HAS3: variants seen among roughly 807,000 people sequenced by gnomAD.
HAS3 encodes the protein HA synthase 3.
HAS3 carries 27 observed loss-of-function variants against 50.3 expected under a neutral mutation model. The observed-to-expected ratio is 0.54, with a 90% CI of 0.40 to 0.74. HAS3 has a LOEUF of 0.74. Among genes scored for constraint, HAS3 ranks in the 30% least tolerant of loss-of-function variants. The pLI, the probability that HAS3 is intolerant of heterozygous loss-of-function variation, is 0.00. For synonymous variants in HAS3, 339 were observed against 310.9 expected, an observed-to-expected ratio of 1.09 and a Z score of -0.95; for missense variants, 517 against 742.8, an observed-to-expected ratio of 0.70 and a Z score of 3.53.
chr16:69,115,344 A>G lies in HAS3; in HGVS notation c.*78A>G. ...AATGGAAGAGAAAAGACAGGGTGGGAGGGAGGAGGGAGTGCTGTGTTTTAG... is the reference window on the plus strand; with the variant it reads ...AATGGAAGAGAAAAGACAGGGTGGGGGGGAGGAGGGAGTGCTGTGTTTTAG... On this transcript the variant is annotated 3_prime_UTR_variant, in exon 4 of 4. Coordinates refer to ENST00000569188, the MANE Select transcript of HAS3 (RefSeq NM_001199280.2). 1 of 1,462,476 alleles carries G rather than the reference A, an allele frequency of 6.8e-7. No homozygotes were observed. The highest frequency in any genetic ancestry group is 9.0e-7 in the Non-Finnish European group (1 of 1,111,606). The allele number at this position is 1,462,476 out of a possible 1,614,324, so 90.6% of individuals were successfully genotyped here.
chr16:69,084,676 C>G, the HAS3 span: 5 of 152,494 alleles, frequency 3.3e-5, 1 homozygote, highest in African/African-American at 9.6e-5. Flanking sequence ...TATTAGCCCT[C>G]TCTGTTGTCA....
the HAS3 span, among the ~76,000 whole-genome samples, chr16:69,089,248 A>AAAG: frequency 6.6e-6 from 1 of 152,180 alleles, no homozygotes; most frequent in South Asian, 2.1e-4. Flanking sequence ...ACAACATGTG[A>AAAG]AAGTGGATCA....
intron 2 of HAS3, among the ~76,000 whole-genome samples, chr16:69,112,883 C>T (rs1457252259): frequency 6.6e-6 from 1 of 152,178 alleles, no homozygotes; most frequent in Non-Finnish European, 1.5e-5. Flanking sequence ...TGCCCTGGTC[C>T]GAGAGGCTCG....
Position 69,107,194 on chromosome 16 carries a change from C to A in HAS3, c.-1+1407C>A. The A allele has an allele frequency of 2.8e-6, 1 of 358,922 alleles. No individual in the cohort carries two copies. Among genetic ancestry groups the A allele is most frequent in the Non-Finnish European group, 3.9e-6 (1 of 256,996 alleles). The allele number at this position is 358,922 out of a possible 1,614,324, so 22.2% of individuals were successfully genotyped here. Reference sequence around the variant, plus strand: ...CAGGTCTGGGCAGGAGAACCTCGACCACAGCCTGCACCAGCGCCTGATTGC... The same window carrying A: ...CAGGTCTGGGCAGGAGAACCTCGACAACAGCCTGCACCAGCGCCTGATTGC... On this transcript the variant is annotated intron_variant, in intron 1 of 3. Coordinates refer to ENST00000569188, the MANE Select transcript of HAS3 (RefSeq NM_001199280.2). The surrounding 1 kb of genome is among the most constrained non-coding windows in gnomAD (Gnocchi z 5.5).
rs748694312 is a variant in HAS3, at chr16:69,109,649, G to T, written c.254G>T (p.Gly85Val). 1 of 1,609,924 alleles carries T rather than the reference G, an allele frequency of 6.2e-7. No homozygotes were observed. Among genetic ancestry groups the T allele is most frequent in the South Asian group, 1.1e-5 (1 of 91,056 alleles). Residue 85 changes from glycine (G) to valine (V), a missense_variant, in exon 2 of 4, where the codon GGC becomes GTC. Physicochemically the swap from Gly to Val is moderately radical, Grantham distance 109 (BLOSUM62 -3). Coordinates refer to ENST00000569188, the MANE Select transcript of HAS3 (RefSeq NM_001199280.2). The surrounding 1 kb of genome is among the most constrained non-coding windows in gnomAD (Gnocchi z 5.3). ...CTGAAGCTGCCCTCCCCGCGGCGGG[G>T]CTCGGTGGCACTGTGCATTGCCGCA... ...QALKLPSPRR[G>V]SVALCIAAYQ...
chr16:69,109,707 C>T lies in HAS3; in HGVS notation c.312C>T (p.Cys104=). ...AGGACCCTGACTACTTGCGCAAGTGCCTGCGCTCGGCCCAGCGCATCTCCT... is the reference window on the plus strand; with the variant it reads ...AGGACCCTGACTACTTGCGCAAGTGTCTGCGCTCGGCCCAGCGCATCTCCT... ...YQEDPDYLRK[C]LRSAQRISFP... is the part of the protein sequence containing the mutation. The change falls in exon 2 of 4, where the codon TGC becomes TGT. Residue 104 remains cysteine, a synonymous_variant. Transcript: ENST00000569188. This position sits in a 1 kb window ranked among gnomAD's most constrained non-coding sequence, Gnocchi z 5.3. 6 of 1,610,652 alleles carry T rather than the reference C, an allele frequency of 3.7e-6. No homozygotes were observed. Among genetic ancestry groups the T allele is most frequent in the Admixed American group, 1.7e-5 (1 of 60,030 alleles).
In HAS3 at chr16:69,116,569, C is replaced by T; in HGVS notation, c.*1303C>T. On this transcript the variant is annotated 3_prime_UTR_variant, in exon 4 of 4. Transcript: ENST00000569188. ...GGCTTCTCCAGGGAATTCTTACAGCCAAGTTGTGACAGTCACTGCATTTGC... is the reference window on the plus strand; with the variant it reads ...GGCTTCTCCAGGGAATTCTTACAGCTAAGTTGTGACAGTCACTGCATTTGC... The T allele has an allele frequency of 2.0e-6, 2 of 985,676 alleles. No individual in the cohort carries two copies. Among genetic ancestry groups the T allele is most frequent in the Non-Finnish European group, 2.4e-6 (2 of 829,886 alleles). The allele number at this position is 985,676 out of a possible 1,614,324, so 61.1% of individuals were successfully genotyped here.
chr16:69,088,253 A>C, the HAS3 span, among the ~76,000 whole-genome samples: 1 of 152,222 alleles, frequency 6.6e-6, no homozygotes, highest in African/African-American at 2.4e-5. Flanking sequence ...GACAGATAAC[A>C]AATAAGATAA....
At position 69,109,401 on chromosome 16, in the gene HAS3, G is replaced by T; in HGVS notation, c.6G>T (p.Pro2=). The T allele has an allele frequency of 6.2e-7, 1 of 1,601,402 alleles. No homozygotes were observed. Among genetic ancestry groups the T allele is most frequent in the Non-Finnish European group, 8.5e-7 (1 of 1,175,176 alleles). The change falls in exon 2 of 4, where the codon CCG becomes CCT. Residue 2 remains proline, a synonymous_variant. Transcript: ENST00000569188. This position sits in a 1 kb window ranked among gnomAD's most constrained non-coding sequence, Gnocchi z 5.3. ...CTCCTGCCTTCTCTCGCCAGATGCC[G>T]GTGCAGCTGACGACAGCCCTGCGTG... M[P]VQLTTALRVV...
At chr16:69,094,499 C>A in the HAS3 span, among the ~76,000 whole-genome samples, 1 of 152,090 alleles carries the variant, frequency 6.6e-6, no homozygotes, top group Non-Finnish European at 1.5e-5. Context: ...TTTGCTGTTC[C>A]AAGATTTCAA....
rs1294340565 is a variant in HAS3, at chr16:69,109,384, T to C, written c.1-12T>C. Reference sequence around the variant, plus strand: ...CCTGCCTGACCCTTCATCTCCTGCCTTCTCTCGCCAGATGCCGGTGCAGCT... The same window carrying C: ...CCTGCCTGACCCTTCATCTCCTGCCCTCTCTCGCCAGATGCCGGTGCAGCT... On this transcript the variant is annotated splice_polypyrimidine_tract_variant and intron_variant, in intron 1 of 3. Coordinates refer to ENST00000569188, the MANE Select transcript of HAS3 (RefSeq NM_001199280.2). The surrounding 1 kb of genome is among the most constrained non-coding windows in gnomAD (Gnocchi z 5.3). The C allele has an allele frequency of 1.3e-6, 2 of 1,589,820 alleles. No individual in the cohort carries two copies. Among genetic ancestry groups the C allele is most frequent in the African/African-American group, 2.7e-5 (2 of 74,758 alleles).
chr16:69,085,524 T>C, the HAS3 span, among the ~76,000 whole-genome samples: 1 of 152,100 alleles, frequency 6.6e-6, no homozygotes, highest in Non-Finnish European at 1.5e-5. Flanking sequence ...CTCAGCCTCC[T>C]GAGTACCTGG....
chr16:69,118,460 T>G (rs376562006), downstream of HAS3: 2 of 1,584,230 alleles, frequency 1.3e-6, no homozygotes, highest in South Asian at 1.1e-5. Flanking sequence ...TAGAGAGCAG[T>G]GAGCTGATTC....
chr16:69,083,562 G>A, the HAS3 span: 4 of 1,610,338 alleles, frequency 2.5e-6, no homozygotes, highest in Non-Finnish European at 3.4e-6. Context: ...ACGTGGCCAA[G>A]CTCCATGCCC....
At position 69,107,907 on chromosome 16, in the gene HAS3, A is replaced by G. The variant is rs970560812; in HGVS notation, c.1-1489A>G. Reference sequence around the variant, plus strand: ...GCTGCCAGCAGCTCTTTTCGGGCCAACGCTGCTGGAAGGCTGCTAGTGCCG... The same window carrying G: ...GCTGCCAGCAGCTCTTTTCGGGCCAGCGCTGCTGGAAGGCTGCTAGTGCCG... On this transcript the variant is annotated intron_variant, in intron 1 of 3. Coordinates refer to ENST00000569188, the MANE Select transcript of HAS3 (RefSeq NM_001199280.2). The surrounding 1 kb of genome is among the most constrained non-coding windows in gnomAD (Gnocchi z 5.5). Among the ~76,000 whole-genome samples the G allele has an allele frequency of 6.6e-6, 1 of 152,364 alleles. No homozygotes were observed. Among genetic ancestry groups the G allele is most frequent in the Non-Finnish European group, 1.5e-5 (1 of 68,032 alleles).
the HAS3 span, among the ~76,000 whole-genome samples, chr16:69,087,003 C>A: frequency 6.6e-6 from 1 of 152,180 alleles, no homozygotes; most frequent in African/African-American, 2.4e-5. Context: ...GCCTCCCATC[C>A]CCACCCTGCT....
In HAS3 at chr16:69,107,570, G is replaced by C; in HGVS notation, c.-1+1783G>C. ...CGTTCGCGGCTGCTTTGACCTGGTG[G>C]GCGCCGCCTCCGGCACTGCACCGAG... On this transcript the variant is annotated intron_variant, in intron 1 of 3. Coordinates refer to ENST00000569188, the MANE Select transcript of HAS3 (RefSeq NM_001199280.2). This position sits in a 1 kb window ranked among gnomAD's most constrained non-coding sequence, Gnocchi z 5.5. 1.0e-6 allele frequency: 1 copy of C among 985,488 alleles called. No individual in the cohort carries two copies. Among genetic ancestry groups the C allele is most frequent in the African/African-American group, 1.7e-5 (1 of 57,352 alleles). 61.0% of individuals were successfully genotyped at this position (985,488 alleles called of 1,614,324 possible). A position where few individuals can be genotyped will look rare whatever the true frequency, so the allele number is the denominator to read the frequency against.
the HAS3 span, chr16:69,083,872 TAAGAG>T: frequency 3.9e-6 from 2 of 514,908 alleles, no homozygotes; most frequent in African/African-American, 1.9e-5. Context: ...GGTGTACAGT[TAAGAG>T]AAGACAGTTA....
At position 69,115,246 on chromosome 16, in the gene HAS3, T is replaced by C. The variant is rs375357316; in HGVS notation, c.1642T>C (p.Leu548=). ...TGGGAAGAAGCCGGAGCAGTACAGCTTGGCTTTTGCTGAGGTGTGACATGG... is the reference window on the plus strand; with the variant it reads ...TGGGAAGAAGCCGGAGCAGTACAGCCTGGCTTTTGCTGAGGTGTGACATGG... ...RCGKKPEQYS[L]AFAEV The change falls in exon 4 of 4, where the codon TTG becomes CTG. Residue 548 remains leucine, a synonymous_variant. Transcript: ENST00000569188. 74 of 1,524,404 alleles carry C rather than the reference T, an allele frequency of 4.9e-5. No homozygotes were observed. The highest frequency in any genetic ancestry group is 3.5e-4 in the Middle Eastern group (2 of 5,640). The allele number at this position is 1,524,404 out of a possible 1,614,324, so 94.4% of individuals were successfully genotyped here. A position where few individuals can be genotyped will look rare whatever the true frequency, so the allele number is the denominator to read the frequency against.
Sources: gnomAD v4.1 joint callset for allele counts (sites outside exome capture counted in the v4.1 genomes callset) on GRCh38, gnomAD v4.1.1 for gene constraint, Gnocchi (gnomAD v3.1) non-coding constraint, MANE v1.5 for transcripts, NCBI Gene and HGNC (gene_info 2026-07-23, HGNC 2026-07-21) for gene names.